Variants in FER observed in about 807,000 individuals in gnomAD.
FER encodes FER tyrosine kinase.
A neutral mutation model predicts 111.0 loss-of-function variants in FER; 63 were observed. The observed-to-expected ratio is 0.57, with a 90% CI of 0.46 to 0.70. The LOEUF is 0.70. Ranked by LOEUF, FER falls within the 30% of genes least tolerant of loss-of-function variation. The pLI, the probability that FER is intolerant of heterozygous loss-of-function variation, is 0.00. For synonymous variants in FER, 327 were observed against 313.9 expected (o/e 1.04, Z -0.44); for missense variants, 914 against 954.0 (o/e 0.96, Z 0.55).
At chr5:109,051,271 C>T (rs1364318745) in intron 16 of FER, 14 of 1,307,348 alleles carry the variant, frequency 1.1e-5, no homozygotes, top group Non-Finnish European at 1.0e-5. Context: ...CTTTTTTCTT[C>T]TCCACAAGTG....
At chr5:108,837,966 TCA>T (rs1760840182) in intron 5 of FER, among the ~76,000 whole-genome samples, 2 of 152,190 alleles carry the variant, frequency 1.3e-5, no homozygotes, top group Admixed American at 1.3e-4. Flanking sequence ...ATTTGATTTC[TCA>T]CATTAAATCC....
At chr5:108,905,803 T>A (rs1750678051) in intron 10 of FER, among the ~76,000 whole-genome samples, 1 of 152,202 alleles carries the variant, frequency 6.6e-6, no homozygotes, top group African/African-American at 2.4e-5. Context: ...GTACAGAATT[T>A]CAAAAGCAGG....
At chr5:108,998,782 C>T (rs1469568911) in intron 13 of FER, among the ~76,000 whole-genome samples, 2 of 152,120 alleles carry the variant, frequency 1.3e-5, no homozygotes, top group African/African-American at 4.8e-5. Context: ...TATGTTGAAC[C>T]AGCCTTGCAT....
In FER at chr5:109,190,055, G is replaced by A. The variant is rs560779158; in HGVS notation, c.*2480G>A. 6.6e-6 allele frequency: 1 copy of A among 152,244 alleles called. No homozygotes were observed. The highest frequency in any genetic ancestry group is 2.4e-5 in the African/African-American group (1 of 41,550). 9.4% of individuals were successfully genotyped at this position (152,244 alleles called of 1,614,324 possible). On this transcript the variant is annotated 3_prime_UTR_variant, in exon 20 of 20. Coordinates refer to ENST00000281092, the MANE Select transcript of FER (RefSeq NM_005246.4). ...AATATTAAATTTAATATAGTCACAT[G>A]CATTAAGAAAAACTTACGCAAACAG...
intron 10 of FER, among the ~76,000 whole-genome samples, chr5:108,930,920 A>T (rs1754579003): frequency 1.3e-5 from 2 of 151,994 alleles, no homozygotes; most frequent in Admixed American, 6.6e-5. Context: ...GGCCCAACTC[A>T]TTAGTTCTAT....
chr5:109,104,837 G>C (rs976948704), intron 17 of FER, among the ~76,000 whole-genome samples: 7 of 151,924 alleles, frequency 4.6e-5, no homozygotes, highest in African/African-American at 1.5e-4. Context: ...CTGCCTCCCA[G>C]GTTCACGCCA....
chr5:108,927,547 T>C (rs112383820), intron 10 of FER, among the ~76,000 whole-genome samples: 43,885 of 151,858 alleles, frequency 0.29, 7,091 homozygotes, highest in African/African-American at 0.45. Flanking sequence ...GCGTGAGCCA[T>C]CGCGCCCGGC....
At chr5:108,765,261 CATTTAGA>C (rs1031923636) in intron 1 of FER, among the ~76,000 whole-genome samples, 1 of 152,074 alleles carries the variant, frequency 6.6e-6, no homozygotes, top group Non-Finnish European at 1.5e-5. Flanking sequence ...TAAAAAGTTC[CATTTAGA>C]GATGCCACCA....
chr5:109,028,976 G>A (rs914035452), intron 13 of FER, among the ~76,000 whole-genome samples: 2 of 152,178 alleles, frequency 1.3e-5, no homozygotes, highest in Non-Finnish European at 2.9e-5. Flanking sequence ...TTTACTTTAA[G>A]CATGCTAACA....
intron 16 of FER, among the ~76,000 whole-genome samples, chr5:109,078,799 A>G (rs1281762470): frequency 6.6e-6 from 1 of 152,066 alleles, no homozygotes; most frequent in Non-Finnish European, 1.5e-5. Context: ...CATCTCCACT[A>G]TTTTCTCATA....
intron 13 of FER, among the ~76,000 whole-genome samples, chr5:109,003,910 G>A (rs578104852): frequency 6.6e-6 from 1 of 152,172 alleles, no homozygotes; most frequent in Non-Finnish European, 1.5e-5. Context: ...AGCCCAGGGG[G>A]TTGAGGCTGT....
At chr5:109,118,717 T>C (rs1750586855) in intron 17 of FER, among the ~76,000 whole-genome samples, 1 of 152,216 alleles carries the variant, frequency 6.6e-6, no homozygotes, top group South Asian at 2.1e-4. Context: ...ATTCAGTTTC[T>C]TCCTTGTTTA....
intron 17 of FER, among the ~76,000 whole-genome samples, chr5:109,173,757 C>T (rs1183592844): frequency 1.9e-5 from 1 of 52,548 alleles, no homozygotes; most frequent in Non-Finnish European, 3.4e-5. Context: ...ATATGTACCT[C>T]CCCCCCCCCC....
At chr5:108,873,403 C>T (rs773403277) in intron 8 of FER, among the ~76,000 whole-genome samples, 42 of 152,164 alleles carry the variant, frequency 2.8e-4, no homozygotes, top group Non-Finnish European at 4.7e-4. Context: ...CCTCGGCCTG[C>T]CAGAGTGCTG....
intron 10 of FER, among the ~76,000 whole-genome samples, chr5:108,905,950 A>G (rs1036996601): frequency 6.6e-6 from 1 of 152,192 alleles, no homozygotes; most frequent in Admixed American, 6.5e-5. Flanking sequence ...AGTTACAGAG[A>G]TAATGACTAA....
At position 109,103,733 on chromosome 5, in the gene FER, A is replaced by T. The variant is rs572792761; in HGVS notation, c.2048+3214A>T. 1.1e-4 allele frequency among the ~76,000 whole-genome samples: 16 copies of T among 152,250 alleles called. No homozygotes were observed. The East Asian group carries it at 2.9e-3, about 28-fold the overall frequency. On this transcript the variant is annotated intron_variant, in intron 17 of 19. Transcript: ENST00000281092. ...CACTGATAAACTTTGTGGTGTGTGTATGTTTACTTACAAAGGTATGTTACT... is the reference window on the plus strand; with the variant it reads ...CACTGATAAACTTTGTGGTGTGTGTTTGTTTACTTACAAAGGTATGTTACT...
chr5:108,955,268 TAA>T (rs1172382322), intron 12 of FER, among the ~76,000 whole-genome samples: 1 of 151,800 alleles, frequency 6.6e-6, no homozygotes, highest in Non-Finnish European at 1.5e-5. Flanking sequence ...TAGAGAAACT[TAA>T]GTTTATGAAA....
At chr5:109,008,894 T>C (rs1028973028) in intron 13 of FER, among the ~76,000 whole-genome samples, 2 of 152,072 alleles carry the variant, frequency 1.3e-5, no homozygotes, top group South Asian at 4.1e-4. Flanking sequence ...TGCTTGAACC[T>C]GGGAGGCAGA....
At chr5:109,053,105 G>A (rs867436867) in intron 16 of FER, among the ~76,000 whole-genome samples, 11 of 152,042 alleles carry the variant, frequency 7.2e-5, no homozygotes, top group African/African-American at 7.2e-5. Flanking sequence ...TAATGGAGGC[G>A]GCCGGGAACA....
Sources: gnomAD v4.1 joint callset for allele counts (sites outside exome capture counted in the v4.1 genomes callset) on GRCh38, gnomAD v4.1.1 for gene constraint, MANE v1.5 for transcripts, NCBI Gene and HGNC (gene_info 2026-07-23, HGNC 2026-07-21) for gene names.